Variants in ENPP3 observed in about 807,000 individuals in gnomAD.
ENPP3 encodes ectonucleotide pyrophosphatase/phosphodiesterase family member 3.
ENPP3 carries 104 observed loss-of-function variants against 117.8 expected under a neutral mutation model. The observed-to-expected ratio is 0.88, with a 90% CI of 0.75 to 1.04. The LOEUF (loss-of-function observed/expected upper bound fraction) is 1.04, where lower values mean the gene tolerates loss of function less well. Among genes scored for constraint, ENPP3 ranks in the 50% least tolerant of loss-of-function variants. The pLI, the probability that ENPP3 is intolerant of heterozygous loss-of-function variation, is 0.00. For synonymous variants in ENPP3, 380 were observed against 349.9 expected (o/e 1.09, Z -0.96); for missense variants, 1,026 against 1,051.9 (o/e 0.98, Z 0.34).
At position 131,668,521 on chromosome 6, in the gene ENPP3, C is replaced by T. The variant is rs559239119; in HGVS notation, c.563-2727C>T. 3.3e-5 allele frequency among the ~76,000 whole-genome samples: 5 copies of T among 152,140 alleles called. No individual in the cohort carries two copies. In the East Asian group the frequency reaches 9.7e-4, roughly 29 times the overall value. On this transcript the variant is annotated intron_variant, in intron 6 of 24. Coordinates refer to ENST00000357639, the MANE Select transcript of ENPP3 (RefSeq NM_005021.5). The stretch of plus-strand genomic sequence containing the variant: ...TGAGCACCGTGCCCGGCCTACATTG[C>T]AGTTTTGATCTGTACATTCTCTGGT...
Position 131,652,857 on chromosome 6 carries a change from T to C in ENPP3, c.430T>C (p.Cys144Arg). 6.2e-7 allele frequency: 1 copy of C among 1,613,638 alleles called. No individual in the cohort carries two copies. Among genetic ancestry groups the C allele is most frequent in the African/African-American group, 1.3e-5 (1 of 75,042 alleles). ...AGAAACCTCATGGCTGGAAGAAAAC[T>C]GTGACACAGCCCAGCAGTCTCAGTG... ...QGETSWLEEN[C>R]DTAQQSQCPE... The change falls in exon 5 of 25, where the codon TGT becomes CGT. Residue 144 changes from cysteine (C) to arginine (R), a missense_variant. Cys to Arg is a radical substitution (Grantham distance 180). Transcript: ENST00000357639.
At chr6:131,649,924 C>T in intron 2 of ENPP3, 103 bp from the exon 3 acceptor site, 1 of 1,190,750 alleles carries the variant, frequency 8.4e-7, no homozygotes, top group Non-Finnish European at 1.2e-6. Context: ...ATCTAGTTGT[C>T]TGTCATAGTC....
chr6:131,722,332 A>T lies in ENPP3; in HGVS notation c.1673A>T (p.Lys558Met), dbSNP rs755770960. The change falls in exon 18 of 25, where the codon AAG (lysine) becomes ATG (methionine). Residue 558 changes from lysine to methionine, a missense_variant. Physicochemically the swap from Lys to Met is moderately conservative, Grantham distance 95. Coordinates refer to ENST00000357639, the MANE Select transcript of ENPP3 (RefSeq NM_005021.5). Reference protein sequence around the residue: ...YEPSHAEEVSKFSVCGFANPL... With the variant: ...YEPSHAEEVSMFSVCGFANPL... ...CCATCCCATGCAGAGGAGGTGTCAA[A>T]GTTTTCTGTTTGTGGCTTTGCTAAT... 6.2e-7 allele frequency: 1 copy of T among 1,614,042 alleles called. No individual in the cohort carries two copies. Among genetic ancestry groups the T allele is most frequent in the South Asian group, 1.1e-5 (1 of 91,076 alleles).
chr6:131,685,335 T>G, intron 12 of ENPP3, 29 bp from the exon 13 acceptor site: 1 of 1,578,068 alleles, frequency 6.3e-7, no homozygotes, highest in Non-Finnish European at 8.7e-7. Flanking sequence ...ATACATTCAG[T>G]GGGTTATTAT....
rs1183583476 is a variant in ENPP3 at position 131,721,241 on chromosome 6, C to T, written c.1567+862C>T. Among the ~76,000 whole-genome samples the T allele has an allele frequency of 2.0e-5, 3 of 152,194 alleles. No individual in the cohort carries two copies. The South Asian group carries it at 6.2e-4, about 32-fold the overall frequency. On this transcript the variant is annotated intron_variant, in intron 17 of 24. Transcript: ENST00000357639. ...CAAGGCAATGAGTAAGCTGCAATTT[C>T]GCTGTTAGCTTTAGAAATTTGGACA...
At chr6:131,675,815 C>T (rs980880243) in intron 9 of ENPP3, among the ~76,000 whole-genome samples, 1 of 152,098 alleles carries the variant, frequency 6.6e-6, no homozygotes, top group African/African-American at 2.4e-5. Context: ...GTAGTCCAGC[C>T]TGGGCGACAG....
At chr6:131,701,865 G>A in intron 15 of ENPP3, among the ~76,000 whole-genome samples, 1 of 143,888 alleles carries the variant, frequency 6.9e-6, no homozygotes, top group East Asian at 2.1e-4. Context: ...CTGGGTGACA[G>A]AGCCAGACTC....
chr6:131,694,589 C>T (rs6907886), intron 15 of ENPP3, among the ~76,000 whole-genome samples: 11,477 of 152,100 alleles, frequency 0.075, 913 homozygotes, highest in African/African-American at 0.2. Context: ...GGAGATGACA[C>T]TTTGGGAGGC....
chr6:131,640,595 GT>G (rs1287300491), intron 1 of ENPP3, among the ~76,000 whole-genome samples: 4 of 152,040 alleles, frequency 2.6e-5, no homozygotes, highest in Non-Finnish European at 4.4e-5. Context: ...AAAATCTGAT[GT>G]TTTTTTCTTT....
rs550769586 is a variant in ENPP3, at chr6:131,658,123, C to G, written c.465-200C>G. Reference sequence around the variant, plus strand: ...GAGCTGAGATTGCTCCACTGCAGTCCAGCTTGGGTGACAGAGTAAAACTGT... The same window carrying G: ...GAGCTGAGATTGCTCCACTGCAGTCGAGCTTGGGTGACAGAGTAAAACTGT... On this transcript the variant is annotated intron_variant, in intron 5 of 24. Coordinates refer to ENST00000357639, the MANE Select transcript of ENPP3 (RefSeq NM_005021.5). Among the ~76,000 whole-genome samples, 91 of 145,456 alleles carry G rather than the reference C, an allele frequency of 6.3e-4. 1 individual carries two copies. Among genetic ancestry groups the G allele is most frequent in the African/African-American group, 2.2e-3 (86 of 39,100 alleles).
chr6:131,687,877 T>A (rs183435534), intron 14 of ENPP3, among the ~76,000 whole-genome samples: 6 of 152,242 alleles, frequency 3.9e-5, no homozygotes, highest in Admixed American at 1.3e-4. Context: ...TCACTATTGT[T>A]TGCAATGCGA....
chr6:131,654,282 G>A (rs564773122), intron 5 of ENPP3, among the ~76,000 whole-genome samples: 2 of 151,816 alleles, frequency 1.3e-5, no homozygotes, highest in East Asian at 3.9e-4. Flanking sequence ...TACAGGCATG[G>A]GCCACCACAT....
intron 11 of ENPP3, among the ~76,000 whole-genome samples, chr6:131,681,515 A>G (rs1779023394): frequency 6.6e-6 from 1 of 152,104 alleles, no homozygotes; most frequent in South Asian, 2.1e-4. Context: ...ACTGGAAAAA[A>G]AAAAACACAG....
chr6:131,642,367 A>C (rs1778065085), intron 2 of ENPP3, among the ~76,000 whole-genome samples: 1 of 152,142 alleles, frequency 6.6e-6, no homozygotes, highest in South Asian at 2.1e-4. Context: ...TTCTTATAAG[A>C]AGCAAAGAAA....
chr6:131,685,328 C>T (rs755895029), intron 12 of ENPP3, 36 bp from the exon 13 acceptor site: 10 of 1,560,168 alleles, frequency 6.4e-6, no homozygotes, highest in South Asian at 4.6e-5. Flanking sequence ...CATTTATATA[C>T]ATTCAGTGGG....
At chr6:131,669,549 C>G (rs1661475713) in intron 6 of ENPP3, among the ~76,000 whole-genome samples, 1 of 150,794 alleles carries the variant, frequency 6.6e-6, no homozygotes, top group South Asian at 2.1e-4. Flanking sequence ...TGGCAGGCAC[C>G]TGTAGTCCCA....
At chr6:131,669,719 T>G (rs1778700275) in intron 6 of ENPP3, among the ~76,000 whole-genome samples, 1 of 151,764 alleles carries the variant, frequency 6.6e-6, no homozygotes, top group African/African-American at 2.4e-5. Context: ...TGAACTCCCT[T>G]TCCTTCTCCT....
In ENPP3 at chr6:131,722,272, G is replaced by A; in HGVS notation, c.1613G>A (p.Ser538Asn). 6.2e-7 allele frequency: 1 copy of A among 1,614,058 alleles called. No homozygotes were observed. The highest frequency in any genetic ancestry group is 8.5e-7 in the Non-Finnish European group (1 of 1,179,958). Residue 538 changes from serine (S) to asparagine (N), a missense_variant, in exon 18 of 25, where the codon AGT becomes AAT. Transcript: ENST00000357639. ...GCACCAAACAATGGAACCCATGGTA[G>A]TTTAAACCATCTTCTGAAGGTGCCT... ...QPAPNNGTHG[S>N]LNHLLKVPFY...
intron 20 of ENPP3, 128 bp downstream of exon 20, chr6:131,726,328 G>A: frequency 1.4e-6 from 1 of 733,894 alleles, no homozygotes; most frequent in Non-Finnish European, 2.2e-6. Flanking sequence ...TAGCTTGCAA[G>A]ACAATGTGCA....
Sources: allele counts gnomAD v4.1 joint callset (sites outside exome capture counted in the v4.1 genomes callset), GRCh38; gene constraint gnomAD v4.1.1; transcripts MANE v1.5; gene names NCBI Gene and HGNC (gene_info 2026-07-23, HGNC 2026-07-21).